Variants in CATSPERE observed in about 807,000 individuals in gnomAD.
CATSPERE encodes catsper channel auxiliary subunit epsilon.
CATSPERE carries 93 observed loss-of-function variants against 114.1 expected under a neutral mutation model. That is an observed-to-expected ratio of 0.81 (90% confidence interval 0.69 to 0.97). The LOEUF is 0.97. CATSPERE is among the 50% of genes least tolerant of loss of function. CATSPERE has a pLI of 0.00. For missense variants in CATSPERE, 1,058 were observed against 1,131.6 expected, an observed-to-expected ratio of 0.93 and a Z score of 0.93; for synonymous variants, 341 against 384.1, an observed-to-expected ratio of 0.89 and a Z score of 1.31.
At chr1:244,557,526 A>AGGCCTTC in intron 9 of CATSPERE, among the ~76,000 whole-genome samples, 1 of 57,414 alleles carries the variant, frequency 1.7e-5, no homozygotes, top group South Asian at 8.0e-4. Context: ...TTTTATTTGA[A>AGGCCTTC]ATATTCATAT....
chr1:244,452,064 C>T (rs1040450135), upstream of CATSPERE: 5 of 348,564 alleles, frequency 1.4e-5, no homozygotes, highest in South Asian at 1.3e-4. Flanking sequence ...GGAAGAGGCC[C>T]TGGTGGCGGC....
chr1:244,525,204 T>C (rs1678339681), intron 8 of CATSPERE, among the ~76,000 whole-genome samples: 2 of 150,038 alleles, frequency 1.3e-5, no homozygotes, highest in Non-Finnish European at 3.0e-5. Context: ...ATGGATGAAA[T>C]TGGAAATCAT....
In CATSPERE at chr1:244,554,549, T is replaced by C. The variant is rs1482605101; in HGVS notation, c.1029+1735T>C. Among the ~76,000 whole-genome samples, 4 of 152,170 alleles carry C rather than the reference T, an allele frequency of 2.6e-5. No homozygotes were observed. In the East Asian group the frequency reaches 5.8e-4, roughly 22 times the overall value. On this transcript the variant is annotated intron_variant, in intron 9 of 21. Transcript: ENST00000366534. ...TAAAAATAAAATAAAATTTAGAAAA[T>C]AAAAAATAACAATAATAGCCATTCA...
At chr1:244,616,645 G>A (rs1036738167) in intron 19 of CATSPERE, among the ~76,000 whole-genome samples, 2 of 152,186 alleles carry the variant, frequency 1.3e-5, no homozygotes, top group African/African-American at 4.8e-5. Flanking sequence ...CCCACTCCGT[G>A]ACAACGGCAT....
intron 20 of CATSPERE, among the ~76,000 whole-genome samples, chr1:244,619,411 A>G (rs1671806389): frequency 1.3e-5 from 2 of 152,230 alleles, no homozygotes; most frequent in African/African-American, 4.8e-5. Flanking sequence ...GACTGTCACT[A>G]ACAGAGAGGT....
rs938273132 is a variant in CATSPERE, at chr1:244,556,239, C to T, written c.1029+3425C>T. 2.6e-5 allele frequency among the ~76,000 whole-genome samples: 4 copies of T among 151,668 alleles called. No homozygotes were observed. The South Asian group carries it at 8.3e-4, about 32-fold the overall frequency. On this transcript the variant is annotated intron_variant, in intron 9 of 21. Transcript: ENST00000366534. The stretch of plus-strand genomic sequence containing the variant: ...ATAAATTTAAGTGGATGTATTGTAA[C>T]CCTGATAGCAACCACTAAAAAAATT...
At chr1:244,461,541 C>A (rs781009061) in intron 1 of CATSPERE, 47 bp downstream of exon 1, 17 of 1,259,758 alleles carry the variant, frequency 1.3e-5, no homozygotes, top group Non-Finnish European at 1.7e-5. Flanking sequence ...GGGATTACCC[C>A]CGGCGGGGCA....
At chr1:244,574,487 C>T (rs1664945953) in intron 11 of CATSPERE, among the ~76,000 whole-genome samples, 1 of 152,188 alleles carries the variant, frequency 6.6e-6, no homozygotes, top group South Asian at 2.1e-4. Context: ...GAAGAGGAAA[C>T]TTTTTATTTT....
intron 6 of CATSPERE, among the ~76,000 whole-genome samples, 182 bp from the exon 7 acceptor site, chr1:244,498,820 C>A (rs1426942108): frequency 2.0e-5 from 3 of 152,112 alleles, no homozygotes; most frequent in African/African-American, 7.2e-5. Context: ...ATTGCTTGAA[C>A]CCAGGAGGCA....
At position 244,568,841 on chromosome 1, in the gene CATSPERE, C is replaced by T. The variant is rs1005627986; in HGVS notation, c.1508-3489C>T. 1.3e-5 allele frequency among the ~76,000 whole-genome samples: 2 copies of T among 152,106 alleles called. No homozygotes were observed. The highest frequency in any genetic ancestry group is 1.3e-4 in the Admixed American group (2 of 15,278). The stretch of plus-strand genomic sequence containing the variant: ...TCCCTGGCTTCAGCCCCCTTTCCAG[C>T]GGAGTGAATCGTTCTCTCTCACTGG... On this transcript the variant is annotated intron_variant, in intron 10 of 21. Coordinates refer to ENST00000366534, the MANE Select transcript of CATSPERE (RefSeq NM_001130957.2). This position sits in a 1 kb window ranked among gnomAD's most constrained non-coding sequence, Gnocchi z 4.4.
At chr1:244,580,219 T>A (rs1665964258) in intron 11 of CATSPERE, among the ~76,000 whole-genome samples, 2 of 150,704 alleles carry the variant, frequency 1.3e-5, no homozygotes, top group South Asian at 4.2e-4. Flanking sequence ...GTATTTTTTT[T>A]TTTTTTTTTT....
chr1:244,498,926 A>G (rs112571446), intron 6 of CATSPERE, 76 bp from the exon 7 acceptor site: 1 of 1,071,226 alleles, frequency 9.3e-7, no homozygotes, highest in Non-Finnish European at 1.4e-6. Flanking sequence ...AAACATGTTT[A>G]TGGTTATGTT....
At position 244,572,455 on chromosome 1, in the gene CATSPERE, A is replaced by C. The variant is rs1273800178; in HGVS notation, c.1633A>C (p.Ser545Arg). Reference protein sequence around the residue: ...NYTTRAFIFLSTSGQTYFLYA... With the variant: ...NYTTRAFIFLRTSGQTYFLYA... ...CACAACAAGAGCATTCATTTTCTTAAGTACATCTGGTCAAACATATTTCCT... is the reference window on the plus strand; with the variant it reads ...CACAACAAGAGCATTCATTTTCTTACGTACATCTGGTCAAACATATTTCCT... Residue 545 changes from serine (S) to arginine (R), a missense_variant, in exon 11 of 22, where the codon AGT (serine) becomes CGT (arginine). Coordinates refer to ENST00000366534, the MANE Select transcript of CATSPERE (RefSeq NM_001130957.2). 6.2e-7 allele frequency: 1 copy of C among 1,613,896 alleles called. No individual in the cohort carries two copies.
chr1:244,552,108 A>G (rs1170720263), intron 8 of CATSPERE, among the ~76,000 whole-genome samples: 4 of 151,472 alleles, frequency 2.6e-5, no homozygotes, highest in African/African-American at 9.7e-5. Context: ...TTGAGAATAC[A>G]GAGACAGAAA....
intron 2 of CATSPERE, among the ~76,000 whole-genome samples, chr1:244,475,827 A>G (rs3006016): frequency 0.66 from 99,614 of 151,934 alleles, 33,231 homozygotes; most frequent in African/African-American, 0.77. Flanking sequence ...GAGCCACCAC[A>G]CCCGGCCATA....
intron 10 of CATSPERE, 64 bp downstream of exon 10, chr1:244,561,209 A>T (rs1379703734): frequency 8.4e-7 from 1 of 1,185,522 alleles, no homozygotes; most frequent in Admixed American, 2.0e-5. Flanking sequence ...CCTTATAATG[A>T]TGTAACACTT....
At chr1:244,463,502 T>C (rs1179083208) in intron 1 of CATSPERE, among the ~76,000 whole-genome samples, 1 of 152,028 alleles carries the variant, frequency 6.6e-6, no homozygotes, top group Non-Finnish European at 1.5e-5. Context: ...ATCACTGCAC[T>C]GTACTCCAGA....
chr1:244,467,470 G>A (rs1009695876), intron 2 of CATSPERE, among the ~76,000 whole-genome samples: 2 of 152,158 alleles, frequency 1.3e-5, no homozygotes, highest in African/African-American at 4.8e-5. Flanking sequence ...ATAACAAGGG[G>A]TGGTAAGAAT....
intron 4 of CATSPERE, among the ~76,000 whole-genome samples, chr1:244,478,946 C>T (rs1572291623): frequency 2.2e-5 from 3 of 138,866 alleles, no homozygotes; most frequent in East Asian, 2.3e-4. Context: ...GAGAATCGCT[C>T]GAACCCGGGA....
Sources: allele counts gnomAD v4.1 joint callset (sites outside exome capture counted in the v4.1 genomes callset), GRCh38; gene constraint gnomAD v4.1.1; non-coding constraint Gnocchi (gnomAD v3.1); transcripts MANE v1.5; gene names NCBI Gene and HGNC (gene_info 2026-07-23, HGNC 2026-07-21).